The following SYNJ1 variants were observed in gnomAD, a reference collection of about 807,000 sequenced individuals.
SYNJ1 encodes synaptojanin 1, also known as polyphosphatidylinositol phosphatase SYNJ1.
A neutral mutation model predicts 168.2 loss-of-function variants in SYNJ1; 78 were observed. The observed-to-expected ratio is 0.46, with a 90% CI of 0.39 to 0.56. SYNJ1 has a LOEUF of 0.56. SYNJ1 is among the 20% of genes least tolerant of loss of function. SYNJ1 has a pLI of 0.00. For missense variants in SYNJ1, 1,303 were observed against 1,597.6 expected (o/e 0.82, Z 3.14); for synonymous variants, 539 against 548.6 (o/e 0.98, Z 0.24).
In SYNJ1 at chr21:32,638,824, A is replaced by T. The variant is rs1192359994; in HGVS notation, c.3915+84T>A. 5.3e-6 allele frequency: 7 copies of T among 1,309,796 alleles called. No individual in the cohort carries two copies. The African/African-American group carries it at 8.8e-5, about 17-fold the overall frequency. 81.1% of individuals were successfully genotyped at this position (1,309,796 alleles called of 1,614,324 possible). ...ACTCGTATTTATTTTTACTTCTTAT[A>T]ACAGGCAATAATTAAAATAGGTATG... On this transcript the variant is annotated intron_variant, in intron 31 of 32. Transcript: ENST00000674351.
intron 6 of SYNJ1, among the ~76,000 whole-genome samples, chr21:32,690,814 C>T (rs1037998137): frequency 3.3e-5 from 5 of 152,096 alleles, no homozygotes; most frequent in Non-Finnish European, 5.9e-5. Flanking sequence ...CCCAGCTACT[C>T]GGGATGCTGA....
rs745750950 is a variant in SYNJ1, at chr21:32,646,496, A to C, written c.3144T>G (p.Thr1048=). 1 of 1,614,034 alleles carries C rather than the reference A, an allele frequency of 6.2e-7. No individual in the cohort carries two copies. The highest frequency in any genetic ancestry group is 8.5e-7 in the Non-Finnish European group (1 of 1,180,012). ...ATATTGTAGGTGACTGGCAGGGACT[A>C]GTTCGGGGTGAAGAGCTGGGGGAAG... ...LGTSPSSSPR[T]SPCQSPTISE... Residue 1048 remains threonine, a synonymous_variant, in exon 24 of 33, where the codon ACT becomes ACG. Transcript: ENST00000674351.
intron 14 of SYNJ1, 115 bp downstream of exon 14, chr21:32,673,225 T>C (rs1191962537): frequency 2.3e-6 from 2 of 867,286 alleles, no homozygotes; most frequent in Non-Finnish European, 1.6e-6. Context: ...TTCAAATGTA[T>C]AGCTCCAAGT....
chr21:32,670,524 A>G, intron 14 of SYNJ1, 152 bp from the exon 15 acceptor site: 1 of 661,766 alleles, frequency 1.5e-6, no homozygotes, highest in East Asian at 2.9e-5. Flanking sequence ...TCTTGAGTGG[A>G]ATGAAATTAT....
At chr21:32,710,872 C>A (rs938116553) in intron 2 of SYNJ1, among the ~76,000 whole-genome samples, 1 of 152,062 alleles carries the variant, frequency 6.6e-6, no homozygotes, top group African/African-American at 2.4e-5. Flanking sequence ...TATTGTTATA[C>A]CCTGCCATCA....
chr21:32,678,064 T>C (rs1344948783), intron 12 of SYNJ1, among the ~76,000 whole-genome samples: 1 of 152,176 alleles, frequency 6.6e-6, no homozygotes, highest in Non-Finnish European at 1.5e-5. Context: ...AGTTTTTTTT[T>C]AAAAGACACA....
At chr21:32,642,223 C>T in intron 27 of SYNJ1, 90 bp from the exon 28 acceptor site, 1 of 1,411,328 alleles carries the variant, frequency 7.1e-7, no homozygotes, top group Non-Finnish European at 1.0e-6. Context: ...GCTTCATTAC[C>T]AGCAGAAATG....
intron 8 of SYNJ1, among the ~76,000 whole-genome samples, chr21:32,686,437 T>C (rs892817873): frequency 2.6e-5 from 4 of 152,230 alleles, no homozygotes; most frequent in African/African-American, 9.6e-5. Context: ...CAACATAATT[T>C]ATATTAATTC....
intron 15 of SYNJ1, among the ~76,000 whole-genome samples, chr21:32,667,033 AC>A (rs1230452224): frequency 6.6e-6 from 1 of 152,042 alleles, no homozygotes; most frequent in Admixed American, 6.6e-5. Flanking sequence ...TACCTATAAT[AC>A]CTAATACAAT....
chr21:32,659,661 C>A (rs140566326), intron 18 of SYNJ1, among the ~76,000 whole-genome samples: 198 of 152,254 alleles, frequency 1.3e-3, no homozygotes, highest in African/African-American at 4.5e-3. Flanking sequence ...GACCCTATCA[C>A]GCGGACCCCC....
chr21:32,686,103 G>A (rs185042422), intron 8 of SYNJ1, among the ~76,000 whole-genome samples, 186 bp from the exon 9 acceptor site: 1 of 152,140 alleles, frequency 6.6e-6, no homozygotes, highest in Non-Finnish European at 1.5e-5. Context: ...TCTGGCTTAG[G>A]AAATAAAAAA....
At chr21:32,725,926 G>A (rs549748238) in intron 2 of SYNJ1, among the ~76,000 whole-genome samples, 101 of 152,162 alleles carry the variant, frequency 6.6e-4, no homozygotes, top group African/African-American at 2.4e-3. Flanking sequence ...CTGCAGTCTC[G>A]ACCTTCCAGA....
chr21:32,727,231 C>T (rs192940554), intron 1 of SYNJ1, among the ~76,000 whole-genome samples: 150 of 152,294 alleles, frequency 9.8e-4, no homozygotes, highest in African/African-American at 3.4e-3. Context: ...GAGCGTATTT[C>T]GTCCGGAGCT....
At chr21:32,633,080 T>G (rs866768183) in intron 32 of SYNJ1, among the ~76,000 whole-genome samples, 18 of 152,250 alleles carry the variant, frequency 1.2e-4, no homozygotes, top group Middle Eastern at 6.8e-3. Flanking sequence ...GACCCTCCTG[T>G]CTTGTAAAAA....
At chr21:32,669,210 A>T (rs1418507079) in intron 15 of SYNJ1, among the ~76,000 whole-genome samples, 1 of 152,186 alleles carries the variant, frequency 6.6e-6, no homozygotes, top group African/African-American at 2.4e-5. Flanking sequence ...TTTGGAATAC[A>T]ATTTTCCCTT....
At chr21:32,716,832 A>G (rs2043040389) in intron 2 of SYNJ1, among the ~76,000 whole-genome samples, 1 of 152,176 alleles carries the variant, frequency 6.6e-6, no homozygotes, top group South Asian at 2.1e-4. Context: ...TATTTATTTT[A>G]GCCTTTTTTC....
At chr21:32,707,304 T>TTA (rs2042648372) in intron 2 of SYNJ1, among the ~76,000 whole-genome samples, 1 of 146,212 alleles carries the variant, frequency 6.8e-6, no homozygotes. Flanking sequence ...TTTTTTTTTT[T>TTA]GAGACAGGAT....
At chr21:32,702,976 C>T (rs2042464240) in intron 2 of SYNJ1, among the ~76,000 whole-genome samples, 1 of 152,240 alleles carries the variant, frequency 6.6e-6, no homozygotes, top group Admixed American at 6.5e-5. Flanking sequence ...TCTCAGCCTA[C>T]TGCTTTGCCT....
rs1051491428 is a variant in SYNJ1 at position 32,630,112 on chromosome 21, T to A, written c.*1693A>T. The stretch of plus-strand genomic sequence containing the variant: ...ATTTCTCATTGAACTTGGTGGTATG[T>A]GCCTTCCCTGCATATAAGGCCATAG... On this transcript the variant is annotated 3_prime_UTR_variant, in exon 33 of 33. Coordinates refer to ENST00000674351, the MANE Select transcript of SYNJ1 (RefSeq NM_203446.3). The A allele has an allele frequency of 6.6e-6, 1 of 152,248 alleles. No homozygotes were observed. The highest frequency in any genetic ancestry group is 2.4e-5 in the African/African-American group (1 of 41,470). The allele number at this position is 152,248 out of a possible 1,614,324, so 9.4% of individuals were successfully genotyped here. A position where few individuals can be genotyped will look rare whatever the true frequency, so the allele number is the denominator to read the frequency against.
Sources: allele counts gnomAD v4.1 joint callset (sites outside exome capture counted in the v4.1 genomes callset), GRCh38; gene constraint gnomAD v4.1.1; transcripts MANE v1.5; gene names NCBI Gene and HGNC (gene_info 2026-07-23, HGNC 2026-07-21).